BAHD1: variants seen among roughly 807,000 people sequenced by gnomAD.
The protein encoded by BAHD1 is bromo adjacent homology domain-containing 1 protein.
Under a neutral mutation model 63.1 loss-of-function variants are expected in BAHD1, and 20 were observed. The observed-to-expected ratio is 0.32, with a 90% CI of 0.22 to 0.46. BAHD1 has a LOEUF of 0.46. Ranked by LOEUF, BAHD1 falls within the 20% of genes least tolerant of loss-of-function variation. BAHD1 has a pLI of 1.00. For missense variants in BAHD1, 939 were observed against 1,071.8 expected, an observed-to-expected ratio of 0.88 and a Z score of 1.73; for synonymous variants, 408 against 426.8, an observed-to-expected ratio of 0.96 and a Z score of 0.54.
intron 1 of BAHD1, among the ~76,000 whole-genome samples, chr15:40,450,563 G>A (rs1053181335): frequency 6.6e-6 from 1 of 152,208 alleles, no homozygotes; most frequent in African/African-American, 2.4e-5. Flanking sequence ...GGTTTTCCCT[G>A]GTTCTGCTGA....
At chr15:40,452,453 G>A (rs989736048) in intron 1 of BAHD1, among the ~76,000 whole-genome samples, 4 of 152,248 alleles carry the variant, frequency 2.6e-5, no homozygotes, top group Non-Finnish European at 5.9e-5. Context: ...TGAGGAACTT[G>A]GCCTTTCACT....
chr15:40,458,955 G>A lies in BAHD1; in HGVS notation c.491G>A (p.Trp164Ter). ...GACCGTGATCGTGCTACTGGGGGCT[G>A]GTCCTCCTCCAAGAAGCGGCCCCGG... ...SRDRDRATGG[W>*]SSSKKRPRLG... is the part of the protein sequence containing the mutation. The change falls in exon 2 of 7, where the codon TGG (tryptophan) becomes TAG (stop). Residue 164 changes from tryptophan to a stop codon, truncating the protein, a stop_gained. Coordinates refer to ENST00000416165, the MANE Select transcript of BAHD1 (RefSeq NM_014952.5). LOFTEE classifies it high-confidence loss of function. The surrounding 1 kb of genome is among the most constrained non-coding windows in gnomAD (Gnocchi z 4.7). The A allele has an allele frequency of 6.3e-7, 1 of 1,589,548 alleles. No homozygotes were observed. The highest frequency in any genetic ancestry group is 1.1e-5 in the South Asian group (1 of 88,234).
rs1893966419 is a variant in BAHD1 at position 40,459,530 on chromosome 15, C to A, written c.1066C>A (p.Pro356Thr). The A allele has an allele frequency of 6.2e-7, 1 of 1,614,106 alleles. No individual in the cohort carries two copies. Residue 356 changes from proline (P) to threonine (T), a missense_variant, in exon 2 of 7, where the codon CCG (proline) becomes ACG (threonine). Pro to Thr is a conservative substitution (Grantham distance 38, BLOSUM62 -1). This residue lies in a region of BAHD1 where 797 missense variants were observed against 813.3 expected (regional missense o/e 0.98). Transcript: ENST00000416165. ...CCCCACACCTCAGCTGTCGCCGCTG[C>A]CGATGCCTGGCAACCCCGCCGACTA... Reference protein sequence around the residue: ...SFPTPQLSPLPMPGNPADYNG... With the variant: ...SFPTPQLSPLTMPGNPADYNG...
upstream of BAHD1, among the ~76,000 whole-genome samples, chr15:40,437,589 G>A (rs570247468): frequency 6.6e-6 from 1 of 152,336 alleles, no homozygotes; most frequent in African/African-American, 2.4e-5. Context: ...GGCTCAGTAA[G>A]TATTGTGGGG....
intron 1 of BAHD1, among the ~76,000 whole-genome samples, chr15:40,449,814 CAAA>C (rs1053414532): frequency 2.0e-3 from 112 of 55,112 alleles, no homozygotes; most frequent in African/African-American, 6.5e-3. Flanking sequence ...GACCCTGTCT[CAAA>C]AAAAAAAAAA....
rs1234621827 is a variant in BAHD1, at chr15:40,441,202, C to T, written c.-81C>T. The T allele has an allele frequency of 6.6e-6, 1 of 151,518 alleles. No homozygotes were observed. Among genetic ancestry groups the T allele is most frequent in the African/African-American group, 2.4e-5 (1 of 41,360 alleles). The allele number at this position is 151,518 out of a possible 1,614,324, so 9.4% of individuals were successfully genotyped here. ...TTGAGCGCCCCCGGGGGGTTCCAGC[C>T]GCCGGATTCCAGCCCGGCCGGGGCC... is the stretch of plus-strand genomic sequence containing the variant. On this transcript the variant is annotated 5_prime_UTR_variant, in exon 1 of 7. Coordinates refer to ENST00000416165, the MANE Select transcript of BAHD1 (RefSeq NM_014952.5).
At chr15:40,456,621 C>T (rs747215609) in intron 1 of BAHD1, among the ~76,000 whole-genome samples, 24 of 152,194 alleles carry the variant, frequency 1.6e-4, no homozygotes, top group Non-Finnish European at 2.9e-4. Context: ...AGGAGGTGTC[C>T]AGTGACCCCA....
chr15:40,448,788 A>G (rs1430005750), intron 1 of BAHD1, among the ~76,000 whole-genome samples: 1 of 150,714 alleles, frequency 6.6e-6, no homozygotes, highest in East Asian at 1.9e-4. Flanking sequence ...CAGGAATTCT[A>G]GGTTACAGGT....
intron 1 of BAHD1, among the ~76,000 whole-genome samples, chr15:40,456,933 C>G (rs1036701703): frequency 1.3e-5 from 2 of 152,220 alleles, no homozygotes; most frequent in South Asian, 4.1e-4. Flanking sequence ...CTCTGACCAC[C>G]GCCCTCTGCA....
chr15:40,458,611 A>G lies in BAHD1; in HGVS notation c.147A>G (p.Thr49=). The change falls in exon 2 of 7, where the codon ACA becomes ACG. Residue 49 remains threonine, a synonymous_variant. Coordinates refer to ENST00000416165, the MANE Select transcript of BAHD1 (RefSeq NM_014952.5). The surrounding 1 kb of genome is among the most constrained non-coding windows in gnomAD (Gnocchi z 4.7). The part of the protein sequence containing the change: ...PGMPESPGHL[T]GRRKNYPLRK... The stretch of plus-strand genomic sequence containing the variant: ...TGCCCGAGAGCCCAGGTCACCTCAC[A>G]GGGCGCCGCAAGAATTACCCACTTC... The G allele has an allele frequency of 6.2e-7, 1 of 1,613,986 alleles. No homozygotes were observed. Among genetic ancestry groups the G allele is most frequent in the Non-Finnish European group, 8.5e-7 (1 of 1,180,006 alleles).
upstream of BAHD1, among the ~76,000 whole-genome samples, chr15:40,438,965 C>G (rs1217390755): frequency 6.6e-6 from 1 of 152,216 alleles, no homozygotes; most frequent in African/African-American, 2.4e-5. Context: ...CCACCAATCT[C>G]TGACGAGTGG....
chr15:40,458,424 T>G lies in BAHD1; in HGVS notation c.-14-27T>G, dbSNP rs770979195. ...GCAGGAGCAGGCCAGAGAGGGCTTC[T>G]CTCATTGCCCACCTTCTGTCCTGCA... On this transcript the variant is annotated intron_variant, in intron 1 of 6. Transcript: ENST00000416165. The surrounding 1 kb of genome is among the most constrained non-coding windows in gnomAD (Gnocchi z 4.7). The G allele has an allele frequency of 6.5e-7, 1 of 1,527,860 alleles. No homozygotes were observed. Among genetic ancestry groups the G allele is most frequent in the Non-Finnish European group, 8.8e-7 (1 of 1,136,210 alleles). The allele number at this position is 1,527,860 out of a possible 1,614,324, so 94.6% of individuals were successfully genotyped here. A position where few individuals can be genotyped will look rare whatever the true frequency, so the allele number is the denominator to read the frequency against.
chr15:40,465,298 C>T, intron 5 of BAHD1, 37 bp from the exon 6 acceptor site: 1 of 1,593,970 alleles, frequency 6.3e-7, no homozygotes, highest in South Asian at 1.1e-5. Flanking sequence ...AGGTGCTTTC[C>T]AGCCCTGGTA....
intron 1 of BAHD1, among the ~76,000 whole-genome samples, chr15:40,446,564 C>T (rs557476936): frequency 6.6e-6 from 1 of 152,334 alleles, no homozygotes; most frequent in Non-Finnish European, 1.5e-5. Flanking sequence ...CCTCTGCAGG[C>T]CCAATCCACC....
intron 1 of BAHD1, among the ~76,000 whole-genome samples, chr15:40,445,444 T>A (rs1324639657): frequency 6.6e-6 from 1 of 152,232 alleles, no homozygotes; most frequent in East Asian, 1.9e-4. Flanking sequence ...CTCACCTCTC[T>A]GTTCCAGCAT....
At position 40,465,793 on chromosome 15, in the gene BAHD1, A is replaced by G. The variant is rs1047596505; in HGVS notation, c.2154-148A>G. ...TAGCCTGGTGGTTGGCAGAGCAGAC[A>G]TCATCCCTGGGATGGGTGGAGACAG... On this transcript the variant is annotated intron_variant, in intron 6 of 6. Transcript: ENST00000416165. 123 of 807,264 alleles carry G rather than the reference A, an allele frequency of 1.5e-4. No individual in the cohort carries two copies. In the African/African-American group the frequency reaches 1.9e-3, roughly 13 times the overall value. 50.0% of individuals were successfully genotyped at this position (807,264 alleles called of 1,614,324 possible).
upstream of BAHD1, among the ~76,000 whole-genome samples, chr15:40,438,670 C>A (rs1416736270): frequency 6.6e-6 from 1 of 152,158 alleles, no homozygotes; most frequent in African/African-American, 2.4e-5. Context: ...CCCCTGCTCA[C>A]CCCAGGGCCC....
chr15:40,464,921 C>A (rs1894157125), intron 5 of BAHD1: 1 of 383,930 alleles, frequency 2.6e-6, no homozygotes, highest in Admixed American at 4.0e-5. Flanking sequence ...AAAGACTCCT[C>A]CTAACACCCC....
At chr15:40,464,772 G>A in intron 5 of BAHD1, 3 of 539,694 alleles carry the variant, frequency 5.6e-6, no homozygotes. Context: ...CTTAAAAAGA[G>A]GAACAGAAAG....
Sources: gnomAD v4.1 joint callset for allele counts (sites outside exome capture counted in the v4.1 genomes callset) on GRCh38, gnomAD v4.1.1 for gene constraint, gnomAD v4.1.1 regional missense constraint, Gnocchi (gnomAD v3.1) non-coding constraint, MANE v1.5 for transcripts, NCBI Gene and HGNC (gene_info 2026-07-23, HGNC 2026-07-21) for gene names.